Variants in ZNF654 observed in about 807,000 individuals in gnomAD.
The protein encoded by ZNF654 is zinc finger protein 654.
Under a neutral mutation model 95.3 loss-of-function variants are expected in ZNF654, and 19 were observed. The observed-to-expected ratio is 0.20, with a 90% CI of 0.14 to 0.29. The LOEUF (loss-of-function observed/expected upper bound fraction) is 0.29, where lower values mean the gene tolerates loss of function less well. Among genes scored for constraint, ZNF654 ranks in the 10% least tolerant of loss-of-function variants. ZNF654 has a pLI of 1.00. For synonymous variants in ZNF654, 413 were observed against 457.9 expected (o/e 0.90, Z 1.25); for missense variants, 1,046 against 1,341.0 (o/e 0.78, Z 3.44).
At chr3:88,070,840 A>G (rs1707471364) in intron 1 of ZNF654, among the ~76,000 whole-genome samples, 1 of 152,174 alleles carries the variant, frequency 6.6e-6, no homozygotes. Context: ...AGATTAAGCA[A>G]CTACCTTAAG....
At chr3:88,123,696 G>T (rs1270514183) in intron 3 of ZNF654, among the ~76,000 whole-genome samples, 1 of 152,172 alleles carries the variant, frequency 6.6e-6, no homozygotes, top group Admixed American at 6.5e-5. Flanking sequence ...AAGTCCCATA[G>T]TACTGACTGA....
At chr3:88,074,609 T>C (rs1320838185) in intron 1 of ZNF654, among the ~76,000 whole-genome samples, 1 of 152,150 alleles carries the variant, frequency 6.6e-6, no homozygotes, top group Non-Finnish European at 1.5e-5. Flanking sequence ...TCCAAAGTGC[T>C]GGATTATAAG....
chr3:88,085,014 C>T (rs1190629317), intron 1 of ZNF654, among the ~76,000 whole-genome samples: 1 of 152,202 alleles, frequency 6.6e-6, no homozygotes, highest in African/African-American at 2.4e-5. Context: ...AGGGAGACAG[C>T]ATCTCTGTTT....
chr3:88,139,667 A>G lies in ZNF654; in HGVS notation c.1998A>G (p.Ile666Met), dbSNP rs1360000836. 6.2e-7 allele frequency: 1 copy of G among 1,609,110 alleles called. No homozygotes were observed. ...EHVAEFIEIP[I>M]SVPEDVIENV... ...TGGCTGAATTCATTGAAATTCCCAT[A>G]AGTGTACCAGAAGATGTTATTGAAA... Residue 666 changes from isoleucine to methionine, a missense_variant, in exon 8 of 9, where the codon ATA becomes ATG. By Grantham distance (10) the Ile-to-Met change is conservative. This residue lies in a region of ZNF654 where 495 missense variants were observed against 537.0 expected (regional missense o/e 0.92). Coordinates refer to ENST00000636215, the MANE Select transcript of ZNF654 (RefSeq NM_001350134.2).
At chr3:88,059,979 C>CT (rs1706764802) in intron 1 of ZNF654, among the ~76,000 whole-genome samples, 1 of 151,964 alleles carries the variant, frequency 6.6e-6, no homozygotes, top group African/African-American at 2.4e-5. Context: ...GTCACTGCCA[C>CT]TGTTCCCCCT....
At chr3:88,138,356 G>C (rs1706925715) in intron 7 of ZNF654, among the ~76,000 whole-genome samples, 4 of 151,970 alleles carry the variant, frequency 2.6e-5, no homozygotes, top group Admixed American at 2.6e-4. Context: ...AAGAATATGA[G>C]ATTTGTACCT....
chr3:88,126,390 G>A (rs1706098449), intron 4 of ZNF654, 121 bp downstream of exon 4: 4 of 1,075,120 alleles, frequency 3.7e-6, no homozygotes, highest in Middle Eastern at 3.4e-4. Flanking sequence ...TGGGAGTGAT[G>A]TATTTTCACA....
chr3:88,076,640 GTGTT>G (rs1208372254), intron 1 of ZNF654, among the ~76,000 whole-genome samples: 1 of 152,030 alleles, frequency 6.6e-6, no homozygotes, highest in Non-Finnish European at 1.5e-5. Context: ...CCTAGAGTTG[GTGTT>G]TGTTCATCTG....
intron 3 of ZNF654, among the ~76,000 whole-genome samples, chr3:88,125,639 A>G (rs1385337554): frequency 1.3e-5 from 2 of 152,266 alleles, no homozygotes; most frequent in South Asian, 2.1e-4. Flanking sequence ...CCAGCCTTCT[A>G]CCACGATTTA....
chr3:88,076,579 GT>G (rs1559693867), intron 1 of ZNF654, among the ~76,000 whole-genome samples: 7 of 151,614 alleles, frequency 4.6e-5, no homozygotes, highest in Non-Finnish European at 7.4e-5. Flanking sequence ...GTTTTGTTTT[GT>G]TTTGTTTTGT....
chr3:88,080,474 A>G (rs373544228), intron 1 of ZNF654, among the ~76,000 whole-genome samples: 11 of 152,122 alleles, frequency 7.2e-5, no homozygotes, highest in African/African-American at 2.2e-4. Flanking sequence ...TAAATTTTCA[A>G]TAGGCCTGTG....
chr3:88,137,985 C>T (rs1486426499), intron 7 of ZNF654, among the ~76,000 whole-genome samples: 1 of 152,032 alleles, frequency 6.6e-6, no homozygotes, highest in South Asian at 2.1e-4. Flanking sequence ...ACTAGAGACA[C>T]TATTATAACT....
At chr3:88,077,389 A>T (rs1467301156) in intron 1 of ZNF654, among the ~76,000 whole-genome samples, 3 of 148,934 alleles carry the variant, frequency 2.0e-5, no homozygotes, top group Non-Finnish European at 3.0e-5. Context: ...GCTGGAGTAC[A>T]GTGGCGCGAT....
intron 2 of ZNF654, among the ~76,000 whole-genome samples, chr3:88,102,258 CTT>C (rs934521024): frequency 1.3e-5 from 2 of 152,086 alleles, no homozygotes; most frequent in African/African-American, 2.4e-5. Context: ...CCTCAAAAAA[CTT>C]TTTAGAAACC....
chr3:88,114,344 G>C (rs1705265093), intron 3 of ZNF654, among the ~76,000 whole-genome samples: 2 of 152,150 alleles, frequency 1.3e-5, no homozygotes, highest in African/African-American at 4.8e-5. Context: ...CCACTGAAAT[G>C]TTTGGAGTAG....
chr3:88,120,198 A>G (rs1705684078), intron 3 of ZNF654, among the ~76,000 whole-genome samples: 1 of 152,202 alleles, frequency 6.6e-6, no homozygotes, highest in Non-Finnish European at 1.5e-5. Context: ...TTAAGTTGCA[A>G]CAGAGTTGAG....
chr3:88,126,352 T>C (rs1432374444), intron 4 of ZNF654, 83 bp downstream of exon 4: 2 of 1,253,346 alleles, frequency 1.6e-6, no homozygotes, highest in Admixed American at 3.4e-5. Flanking sequence ...GTAATAGTAA[T>C]TTTTCTTCAT....
intron 6 of ZNF654, among the ~76,000 whole-genome samples, chr3:88,132,370 TA>T (rs1440416947): frequency 6.6e-6 from 1 of 152,206 alleles, no homozygotes; most frequent in Admixed American, 6.6e-5. Context: ...AATGCGTTTG[TA>T]CACTGAATGA....
chr3:88,095,804 C>T, intron 2 of ZNF654: 1 of 442,480 alleles, frequency 2.3e-6, no homozygotes, highest in Non-Finnish European at 4.3e-6. Context: ...AAAGGCAATC[C>T]AAGTTTTTCT....
Sources: allele counts gnomAD v4.1 joint callset (sites outside exome capture counted in the v4.1 genomes callset), GRCh38; gene constraint gnomAD v4.1.1; regional missense constraint gnomAD v4.1.1; transcripts MANE v1.5; gene names NCBI Gene and HGNC (gene_info 2026-07-23, HGNC 2026-07-21).